The following ESRRG variants were observed in gnomAD, a reference collection of about 807,000 sequenced individuals.
The protein encoded by ESRRG is estrogen related receptor gamma.
ESRRG carries 13 observed loss-of-function variants against 44.0 expected under a neutral mutation model. That is an observed-to-expected ratio of 0.30 (90% CI 0.19 to 0.47). ESRRG has a LOEUF of 0.47. ESRRG is among the 20% of genes least tolerant of loss of function. The probability of loss-of-function intolerance (pLI) is 1.00; values close to 1 mark genes in which losing one functional copy is unlikely to be tolerated. For synonymous variants in ESRRG, 215 were observed against 214.6 expected (o/e 1.00, Z -0.02); for missense variants, 395 against 580.6 (o/e 0.68, Z 3.29).
chr1:216,887,113 AGATTTAAAACC>A (rs1335840914), intron 2 of ESRRG, among the ~76,000 whole-genome samples: 1 of 152,128 alleles, frequency 6.6e-6, no homozygotes, highest in Non-Finnish European at 1.5e-5. Flanking sequence ...CTCACTTTTC[AGATTTAAAACC>A]GATCGTCCAA....
chr1:216,991,305 A>C (rs2075659700), intron 1 of ESRRG, among the ~76,000 whole-genome samples: 2 of 152,064 alleles, frequency 1.3e-5, no homozygotes, highest in Admixed American at 6.6e-5. Context: ...ACCAACATAG[A>C]ATCCTTGCTC....
At chr1:216,748,957 C>T (rs777858899) in intron 2 of ESRRG, among the ~76,000 whole-genome samples, 18 of 152,048 alleles carry the variant, frequency 1.2e-4, no homozygotes, top group Admixed American at 5.2e-4. Flanking sequence ...TCTTCAGTTG[C>T]CTACGGTCGA....
chr1:216,555,535 TAA>T (rs5780894), intron 5 of ESRRG, among the ~76,000 whole-genome samples: 128 of 144,780 alleles, frequency 8.8e-4, no homozygotes, highest in South Asian at 1.3e-3. Context: ...GTGCCCTCTT[TAA>T]AAAAAAAAAA....
chr1:216,801,315 G>A (rs550029983), intron 2 of ESRRG, among the ~76,000 whole-genome samples: 1 of 152,204 alleles, frequency 6.6e-6, no homozygotes, highest in East Asian at 1.9e-4. Context: ...GTAATCCTCT[G>A]GCCTTGGCCT....
intron 4 of ESRRG, among the ~76,000 whole-genome samples, chr1:216,567,677 T>G (rs1006278683): frequency 1.4e-4 from 22 of 152,090 alleles, no homozygotes; most frequent in Admixed American, 7.9e-4. Context: ...CCTCTGCAAA[T>G]AAAGATAACC....
At chr1:217,034,535 T>C (rs923820172) in intron 1 of ESRRG, among the ~76,000 whole-genome samples, 3 of 152,186 alleles carry the variant, frequency 2.0e-5, no homozygotes, top group Non-Finnish European at 4.4e-5. Context: ...CCTGGCCTTC[T>C]GCAGCAAGCT....
intron 2 of ESRRG, among the ~76,000 whole-genome samples, chr1:216,831,615 G>A (rs891724189): frequency 6.6e-6 from 1 of 151,738 alleles, no homozygotes; most frequent in African/African-American, 2.4e-5. Flanking sequence ...TGAATAATGC[G>A]ACATTACTTA....
chr1:216,664,530 G>A (rs2073369913), intron 2 of ESRRG, among the ~76,000 whole-genome samples: 1 of 150,536 alleles, frequency 6.6e-6, no homozygotes, highest in African/African-American at 2.4e-5. Context: ...GGAATCTTAA[G>A]ACAGCTATGT....
chr1:216,723,548 A>G (rs2086842089), upstream of ESRRG: 1 of 509,384 alleles, frequency 2.0e-6, no homozygotes, highest in Non-Finnish European at 3.5e-6. Flanking sequence ...CCTCTGCCCA[A>G]TCAGGAGGGA....
intron 1 of ESRRG, among the ~76,000 whole-genome samples, chr1:217,070,661 C>T (rs996290617): frequency 2.6e-5 from 4 of 152,144 alleles, no homozygotes; most frequent in South Asian, 4.1e-4. Flanking sequence ...GCATGACAGG[C>T]GTAAGCCACC....
intron 3 of ESRRG, among the ~76,000 whole-genome samples, chr1:216,645,626 CT>C (rs370925530): frequency 1.4e-3 from 208 of 152,022 alleles, no homozygotes; most frequent in African/African-American, 4.6e-3. Context: ...AATCCTAGTC[CT>C]TTGGGAGGCC....
At chr1:216,956,859 A>G (rs978041595) in intron 1 of ESRRG, among the ~76,000 whole-genome samples, 11 of 152,198 alleles carry the variant, frequency 7.2e-5, no homozygotes, top group Non-Finnish European at 1.5e-5. Context: ...AAAGCTTTCA[A>G]TCAAGGAATA....
chr1:216,723,215 T>A, intron 1 of ESRRG, 29 bp downstream of exon 1: 13 of 1,167,942 alleles, frequency 1.1e-5, no homozygotes, highest in East Asian at 3.7e-5. Flanking sequence ...CCACGACGAG[T>A]TTAAAAAGGA....
In ESRRG at chr1:217,015,723, G is replaced by A. The variant is rs2079256185; in HGVS notation, c.-106+73784C>T. Among the ~76,000 whole-genome samples, 3 of 133,468 alleles carry A rather than the reference G, an allele frequency of 2.2e-5. No homozygotes were observed. In the Admixed American group the frequency reaches 2.4e-4, roughly 11 times the overall value. 87.6% of individuals were successfully genotyped at this position (133,468 alleles called of 152,430 possible). ...TTGTTTGTGTGGGGGGTGAGAGGGG[G>A]CAGCTAGATTTTTTTTTTTTTTTGA... On this transcript the variant is annotated intron_variant, in intron 1 of 7. Transcript: ENST00000359162.
At chr1:216,712,157 T>C (rs2083751835) in intron 1 of ESRRG, among the ~76,000 whole-genome samples, 1 of 152,218 alleles carries the variant, frequency 6.6e-6, no homozygotes, top group Admixed American at 6.5e-5. Context: ...CTTGGGTACA[T>C]AGGCCCTAGT....
In ESRRG at chr1:216,781,121, C is replaced by T. The variant is rs564842673; in HGVS notation, c.-13-103630G>A. On this transcript the variant is annotated intron_variant, in intron 2 of 7. Coordinates refer to the ESRRG transcript ENST00000359162. ...AATAAGAAATACACCTGGTTTGTGA[C>T]TAATAAGTATATAGAAGATGATAGT... Among the ~76,000 whole-genome samples, 7 of 152,082 alleles carry T rather than the reference C, an allele frequency of 4.6e-5. No individual in the cohort carries two copies. In the Middle Eastern group the frequency reaches 0.017, roughly 369 times the overall value.
intron 2 of ESRRG, among the ~76,000 whole-genome samples, chr1:216,831,190 G>C (rs1017002533): frequency 6.6e-6 from 1 of 151,942 alleles, no homozygotes; most frequent in African/African-American, 2.4e-5. Context: ...TACGTGTCTG[G>C]TGCATATTTT....
At chr1:217,066,995 C>G (rs553343492) in intron 1 of ESRRG, among the ~76,000 whole-genome samples, 2 of 152,342 alleles carry the variant, frequency 1.3e-5, no homozygotes, top group East Asian at 3.9e-4. Flanking sequence ...TAGAAGTAAA[C>G]TGAAACCCAT....
chr1:216,753,807 C>A (rs1479300533), intron 2 of ESRRG, among the ~76,000 whole-genome samples: 2 of 151,982 alleles, frequency 1.3e-5, no homozygotes, highest in Non-Finnish European at 2.9e-5. Context: ...GTGTCAGAAA[C>A]CCTGGCTTCA....
Sources: allele counts gnomAD v4.1 joint callset (sites outside exome capture counted in the v4.1 genomes callset), GRCh38; gene constraint gnomAD v4.1.1; transcripts MANE v1.5; gene names NCBI Gene and HGNC (gene_info 2026-07-23, HGNC 2026-07-21).